Variants in SPRED2 observed in about 807,000 individuals in gnomAD.
SPRED2 encodes the protein sprouty-related, EVH1 domain-containing protein 2.
In SPRED2, 47 loss-of-function variants were observed where a neutral mutation model predicts 43.0. The ratio of observed to expected loss-of-function variants is 1.09; its 90% CI spans 0.87 to 1.40. The LOEUF (loss-of-function observed/expected upper bound fraction) is 1.40. Among genes scored for constraint, SPRED2 ranks in the 40% most tolerant of loss-of-function variants. SPRED2 has a pLI of 0.00. For synonymous variants in SPRED2, 225 were observed against 225.7 expected (o/e 1.00, Z 0.03); for missense variants, 561 against 586.4 (o/e 0.96, Z 0.45).
intron 4 of SPRED2, among the ~76,000 whole-genome samples, chr2:65,318,854 C>T (rs1673323425): frequency 6.6e-6 from 1 of 151,370 alleles, no homozygotes; most frequent in Non-Finnish European, 1.5e-5. Flanking sequence ...TGCCAAGTTG[C>T]CCAGGCTGGT....
intron 1 of SPRED2, among the ~76,000 whole-genome samples, chr2:65,418,952 A>G (rs190323133): frequency 2.0e-5 from 3 of 152,282 alleles, no homozygotes; most frequent in East Asian, 3.9e-4. Flanking sequence ...TCTGCTTGCA[A>G]TATTTAGAAT....
intron 1 of SPRED2, among the ~76,000 whole-genome samples, chr2:65,348,085 T>C (rs1018899678): frequency 1.3e-5 from 2 of 152,202 alleles, no homozygotes; most frequent in Admixed American, 1.3e-4. Context: ...TCCTTGCTCA[T>C]TCCACTTTGG....
chr2:65,414,306 C>T (rs931044663), intron 1 of SPRED2, among the ~76,000 whole-genome samples: 16 of 151,118 alleles, frequency 1.1e-4, no homozygotes, highest in Non-Finnish European at 1.5e-5. Flanking sequence ...GGTTTTTACA[C>T]GTGTGTGAGT....
At chr2:65,338,836 C>T (rs1674068305) in intron 2 of SPRED2, among the ~76,000 whole-genome samples, 1 of 151,448 alleles carries the variant, frequency 6.6e-6, no homozygotes, top group Non-Finnish European at 1.5e-5. Context: ...CGGCCGCCAT[C>T]CCACCTGGGA....
chr2:65,339,344 A>G lies in SPRED2; in HGVS notation c.205-4571T>C, dbSNP rs549997270. On this transcript the variant is annotated intron_variant, in intron 2 of 5. Transcript: ENST00000356388. ...TGGTTGCCGTGTCTGTGTAGAAAGA[A>G]GTAGACATGGGCGACTTTTCATTTT... 1.3e-4 allele frequency among the ~76,000 whole-genome samples: 20 copies of G among 152,144 alleles called. No homozygotes were observed. In the East Asian group the frequency reaches 2.7e-3, roughly 21 times the overall value.
At chr2:65,430,946 A>G (rs1676669025) in intron 1 of SPRED2, among the ~76,000 whole-genome samples, 1 of 151,598 alleles carries the variant, frequency 6.6e-6, no homozygotes, top group Non-Finnish European at 1.5e-5. Context: ...CTCAAACCCC[A>G]GGCATAAGAC....
At chr2:65,338,907 G>A (rs1415746480) in intron 2 of SPRED2, among the ~76,000 whole-genome samples, 9 of 148,326 alleles carry the variant, frequency 6.1e-5, no homozygotes, top group African/African-American at 1.7e-4. Flanking sequence ...GTCTCTGCCC[G>A]GCAGCCCATC....
chr2:65,425,826 G>A (rs1028621082), intron 1 of SPRED2, among the ~76,000 whole-genome samples: 6 of 152,166 alleles, frequency 3.9e-5, no homozygotes, highest in African/African-American at 1.4e-4. Flanking sequence ...AGATGACGGG[G>A]TCTTTTTAAA....
chr2:65,318,568 C>T (rs7601514), intron 4 of SPRED2, among the ~76,000 whole-genome samples: 41,855 of 151,788 alleles, frequency 0.28, 7,284 homozygotes, highest in East Asian at 0.76. Context: ...TTTCTGATCT[C>T]TAGATGCTCT....
At chr2:65,316,911 A>T in intron 4 of SPRED2, 28 bp from the exon 5 acceptor site, 1 of 1,604,904 alleles carries the variant, frequency 6.2e-7, no homozygotes, top group Non-Finnish European at 8.5e-7. Context: ...ACCAAGAGTC[A>T]ATTTAAAAAC....
chr2:65,322,955 C>T (rs530100807), intron 4 of SPRED2, among the ~76,000 whole-genome samples: 9 of 152,230 alleles, frequency 5.9e-5, no homozygotes, highest in South Asian at 2.1e-4. Flanking sequence ...TACATTCTAC[C>T]GGTCTTTCAC....
At chr2:65,321,876 G>A (rs941268435) in intron 4 of SPRED2, among the ~76,000 whole-genome samples, 52 of 152,148 alleles carry the variant, frequency 3.4e-4, no homozygotes, top group African/African-American at 9.2e-4. Flanking sequence ...GGGTTCAAGC[G>A]ATTCTCATGC....
At chr2:65,337,480 T>C (rs1674000031) in intron 2 of SPRED2, among the ~76,000 whole-genome samples, 1 of 152,126 alleles carries the variant, frequency 6.6e-6, no homozygotes, top group Admixed American at 6.5e-5. Flanking sequence ...GAGGACTCCA[T>C]TCCTACTCAT....
chr2:65,350,765 G>C (rs1437140012), intron 1 of SPRED2, among the ~76,000 whole-genome samples: 1 of 152,198 alleles, frequency 6.6e-6, no homozygotes, highest in African/African-American at 2.4e-5. Context: ...TATGTTCTAA[G>C]TGTTCTCCAG....
intron 1 of SPRED2, among the ~76,000 whole-genome samples, chr2:65,413,543 C>T (rs777164758): frequency 5.3e-5 from 8 of 152,216 alleles, no homozygotes; most frequent in Non-Finnish European, 8.8e-5. Flanking sequence ...AATTGGTTAT[C>T]GCTGCTGCAG....
intron 4 of SPRED2, among the ~76,000 whole-genome samples, chr2:65,327,372 C>A (rs1162335066): frequency 6.6e-6 from 1 of 152,134 alleles, no homozygotes; most frequent in Admixed American, 6.5e-5. Context: ...GTAAATAAAG[C>A]AAGACACAAG....
At chr2:65,371,502 A>C (rs1381030237) in intron 1 of SPRED2, among the ~76,000 whole-genome samples, 1 of 152,202 alleles carries the variant, frequency 6.6e-6, no homozygotes, top group East Asian at 1.9e-4. Flanking sequence ...ACTGATGAGA[A>C]TGATGAAGGC....
chr2:65,344,682 T>C (rs2104265918), intron 2 of SPRED2, 37 bp downstream of exon 2: 1 of 1,609,904 alleles, frequency 6.2e-7, no homozygotes, highest in Non-Finnish European at 8.5e-7. Context: ...AAGCAGTTGT[T>C]ACTAATTTAA....
chr2:65,405,585 T>C (rs1440721867), intron 1 of SPRED2, among the ~76,000 whole-genome samples: 1 of 152,166 alleles, frequency 6.6e-6, no homozygotes, highest in Non-Finnish European at 1.5e-5. Flanking sequence ...TACACACACC[T>C]GAACTTACTG....
Sources: gnomAD v4.1 joint callset for allele counts (sites outside exome capture counted in the v4.1 genomes callset) on GRCh38, gnomAD v4.1.1 for gene constraint, MANE v1.5 for transcripts, NCBI Gene and HGNC (gene_info 2026-07-23, HGNC 2026-07-21) for gene names.